TRPM3: variants seen among roughly 807,000 people sequenced by gnomAD.
The protein encoded by TRPM3 is long transient receptor potential channel 3.
A neutral mutation model predicts 181.2 loss-of-function variants in TRPM3; 77 were observed. That is an observed-to-expected ratio of 0.42 (90% CI 0.35 to 0.51). The LOEUF is 0.51. TRPM3 is among the 20% of genes least tolerant of loss of function. The probability of loss-of-function intolerance (pLI) is 0.01; values close to 1 mark genes in which losing one functional copy is unlikely to be tolerated. For missense variants in TRPM3, 1,759 were observed against 2,196.7 expected (o/e 0.80, Z 3.98); for synonymous variants, 745 against 796.4 (o/e 0.94, Z 1.09).
In TRPM3 at chr9:70,537,232, C is replaced by T. The variant is rs751378692; in HGVS notation, c.3881G>A (p.Arg1294His). ...GLERAESNKIRSRTSSDCTDA... is the reference protein window; with the variant it reads ...GLERAESNKIHSRTSSDCTDA... ...CGTGCAGTCTGACGAGGTCCTCGAG[C>T]GGATTTTGTTGGACTCGGCCCGCTC... Residue 1294 changes from arginine to histidine, a missense_variant, in exon 26 of 26, where the codon CGC becomes CAC. This residue lies in a region of TRPM3 where 612 missense variants were observed against 590.0 expected (regional missense o/e 1.04). Coordinates refer to ENST00000677713, the MANE Select transcript of TRPM3 (RefSeq NM_001366145.2). 269 of 1,596,880 alleles carry T rather than the reference C, an allele frequency of 1.7e-4. 1 individual carries two copies. The highest frequency in any genetic ancestry group is 2.1e-4 in the Non-Finnish European group (248 of 1,167,396).
At chr9:70,863,665 T>A (rs533490579) in intron 2 of TRPM3, among the ~76,000 whole-genome samples, 1 of 152,188 alleles carries the variant, frequency 6.6e-6, no homozygotes, top group African/African-American at 2.4e-5. Context: ...ATTCATGAGA[T>A]ATTTGAAAAC....
At chr9:71,187,740 C>A (rs2077758374) in intron 1 of TRPM3, among the ~76,000 whole-genome samples, 1 of 151,818 alleles carries the variant, frequency 6.6e-6, no homozygotes, top group Non-Finnish European at 1.5e-5. Context: ...CAAAAGCTGG[C>A]CACTCCTAAT....
chr9:71,254,559 G>A (rs979791797), intron 1 of TRPM3, among the ~76,000 whole-genome samples: 2 of 152,094 alleles, frequency 1.3e-5, no homozygotes, highest in African/African-American at 4.8e-5. Flanking sequence ...ATTCCACAAT[G>A]TATACATATT....
At chr9:70,783,938 C>A (rs2083022715) in intron 7 of TRPM3, 167 bp downstream of exon 7, 2 of 1,383,196 alleles carry the variant, frequency 1.4e-6, no homozygotes, top group Admixed American at 6.2e-5. Flanking sequence ...GAATATGTTT[C>A]TCTGTTCTTC....
intron 1 of TRPM3, among the ~76,000 whole-genome samples, chr9:71,358,379 A>G (rs1235293035): frequency 6.6e-6 from 1 of 152,176 alleles, no homozygotes; most frequent in East Asian, 1.9e-4. Flanking sequence ...CAGACTTACA[A>G]GCTTTTAGAA....
intron 1 of TRPM3, among the ~76,000 whole-genome samples, chr9:71,349,806 T>C (rs2091502022): frequency 6.6e-6 from 1 of 152,022 alleles, no homozygotes; most frequent in African/African-American, 2.4e-5. Flanking sequence ...GACCTGTTCA[T>C]CTCGTTGAAC....
At chr9:70,633,250 GCAA>G (rs1034982007) in intron 12 of TRPM3, among the ~76,000 whole-genome samples, 1 of 152,152 alleles carries the variant, frequency 6.6e-6, no homozygotes, top group African/African-American at 2.4e-5. Flanking sequence ...TTGAACATGA[GCAA>G]CAACTATCTC....
chr9:71,263,560 C>T (rs1204998570), intron 1 of TRPM3, among the ~76,000 whole-genome samples: 1 of 152,132 alleles, frequency 6.6e-6, no homozygotes, highest in Non-Finnish European at 1.5e-5. Flanking sequence ...TGCAGGCAAA[C>T]ATTTCTTAGT....
At chr9:71,348,537 AGTTT>A (rs2091422357) in intron 1 of TRPM3, among the ~76,000 whole-genome samples, 1 of 147,980 alleles carries the variant, frequency 6.8e-6, no homozygotes, top group South Asian at 2.2e-4. Context: ...TTCTGAAAAC[AGTTT>A]ATTTATTTAT....
rs968406752 is a variant in TRPM3, at chr9:70,603,805, G to A, written c.2668-335C>T. Among the ~76,000 whole-genome samples, 12 of 152,204 alleles carry A rather than the reference G, an allele frequency of 7.9e-5. 1 individual carries two copies. The highest frequency in any genetic ancestry group is 3.3e-4 in the Admixed American group (5 of 15,294). ...AAAGGGAGCCTTGGCTGTCAGTGGCGGCTCTTGCTCAGGCGTGGACCTTAG... is the reference window on the plus strand; with the variant it reads ...AAAGGGAGCCTTGGCTGTCAGTGGCAGCTCTTGCTCAGGCGTGGACCTTAG... On this transcript the variant is annotated intron_variant, in intron 19 of 25. Coordinates refer to ENST00000677713, the MANE Select transcript of TRPM3 (RefSeq NM_001366145.2).
intron 1 of TRPM3, among the ~76,000 whole-genome samples, chr9:70,925,997 CA>C (rs55825345): frequency 0.95 from 131,608 of 139,244 alleles, 62,067 homozygotes; most frequent in East Asian, 0.99. Flanking sequence ...CTTGGGAAAA[CA>C]AAAAAAAAAA....
chr9:70,790,948 T>C (rs10118380), intron 6 of TRPM3, among the ~76,000 whole-genome samples: 66,720 of 151,890 alleles, frequency 0.44, 14,850 homozygotes, highest in East Asian at 0.54. Context: ...CTTTGAGCTA[T>C]TGAGGAGCAG....
intron 1 of TRPM3, among the ~76,000 whole-genome samples, chr9:71,183,963 T>G (rs913145062): frequency 1.3e-5 from 2 of 152,112 alleles, no homozygotes; most frequent in African/African-American, 4.8e-5. Context: ...AGCAATTCAT[T>G]CAGGCCCCCA....
intron 1 of TRPM3, among the ~76,000 whole-genome samples, chr9:71,216,070 G>A (rs1661470166): frequency 6.6e-6 from 1 of 152,204 alleles, no homozygotes; most frequent in South Asian, 2.1e-4. Context: ...GATGGCTTAA[G>A]TGAGAATCTA....
chr9:70,914,475 T>C (rs570407809), intron 1 of TRPM3, among the ~76,000 whole-genome samples: 141 of 152,324 alleles, frequency 9.3e-4, no homozygotes, highest in African/African-American at 3.3e-3. Flanking sequence ...AGAGATCATA[T>C]GATGTGCCAA....
intron 1 of TRPM3, among the ~76,000 whole-genome samples, chr9:70,923,805 T>A (rs2993019): frequency 0.22 from 24,741 of 113,966 alleles, 3,117 homozygotes; most frequent in African/African-American, 0.41. Flanking sequence ...ACACACACAC[T>A]CTCTCTCTCT....
intron 5 of TRPM3, among the ~76,000 whole-genome samples, chr9:70,830,514 A>G (rs533890262): frequency 5.3e-5 from 8 of 152,080 alleles, no homozygotes; most frequent in Non-Finnish European, 1.2e-4. Flanking sequence ...ACTGATCCCT[A>G]TTTCTTTTGA....
chr9:70,662,544 G>GA (rs2061280869), intron 9 of TRPM3, among the ~76,000 whole-genome samples: 3 of 151,720 alleles, frequency 2.0e-5, no homozygotes, highest in Admixed American at 2.0e-4. Context: ...AAATCAGCAA[G>GA]AAAAAAACAA....
At chr9:71,302,281 G>A (rs571888726) in intron 1 of TRPM3, among the ~76,000 whole-genome samples, 2 of 152,182 alleles carry the variant, frequency 1.3e-5, no homozygotes, top group South Asian at 4.2e-4. Context: ...ATAAATATTA[G>A]TAAATACTTC....
Sources: allele counts gnomAD v4.1 joint callset (sites outside exome capture counted in the v4.1 genomes callset), GRCh38; gene constraint gnomAD v4.1.1; regional missense constraint gnomAD v4.1.1; transcripts MANE v1.5; gene names NCBI Gene and HGNC (gene_info 2026-07-23, HGNC 2026-07-21).